KIAA1586: variants seen among roughly 807,000 people sequenced by gnomAD.
The protein encoded by KIAA1586 is KIAA1586, also known as E3 SUMO-protein ligase KIAA1586.
A neutral mutation model predicts 6.1 loss-of-function variants in KIAA1586; 5 were observed. That is an observed-to-expected ratio of 0.82 (90% CI 0.43 to 1.73). The LOEUF is 1.73. KIAA1586 is among the 40% of genes most tolerant of loss of function. The pLI is 0.02. For synonymous variants in KIAA1586, 280 were observed against 301.7 expected (o/e 0.93, Z 0.75); for missense variants, 899 against 878.2 (o/e 1.02, Z -0.30).
downstream of KIAA1586, among the ~76,000 whole-genome samples, chr6:57,056,677 C>G (rs1828504470): frequency 6.6e-6 from 1 of 151,598 alleles, no homozygotes; most frequent in Admixed American, 6.6e-5. Flanking sequence ...GCTGGGAATA[C>G]AGGTACATGC....
Position 57,053,677 on chromosome 6 carries a change from A to T in KIAA1586, c.1178A>T (p.Asn393Ile). The change falls in exon 4 of 4, where the codon AAT (asparagine) becomes ATT (isoleucine). Residue 393 changes from asparagine to isoleucine, a missense_variant. Transcript: ENST00000370733. The stretch of plus-strand genomic sequence containing the variant: ...ATTGCATTTTGTTCTGATGGTGCTA[A>T]TACAATCCTGGGAAGAAAGTCTGGA... The part of the protein sequence containing the change: ...NLIAFCSDGA[N>I]TILGRKSGVA... The T allele has an allele frequency of 6.2e-7, 1 of 1,612,030 alleles. No individual in the cohort carries two copies. The highest frequency in any genetic ancestry group is 1.3e-5 in the African/African-American group (1 of 74,988).
In KIAA1586 at chr6:57,051,700, A is replaced by G. The variant is rs141314416; in HGVS notation, c.186+846A>G. ...TGTAATCCCAGCACTTTGGGAGGCCAAGGCTGGCAGATCACTTGAGGTCAG... is the reference window on the plus strand; with the variant it reads ...TGTAATCCCAGCACTTTGGGAGGCCGAGGCTGGCAGATCACTTGAGGTCAG... On this transcript the variant is annotated intron_variant, in intron 3 of 3. Coordinates refer to ENST00000370733, the MANE Select transcript of KIAA1586 (RefSeq NM_020931.4). Among the ~76,000 whole-genome samples, 1,467 of 151,614 alleles carry G rather than the reference A, an allele frequency of 9.7e-3. 27 individuals carry two copies. Among genetic ancestry groups the G allele is most frequent in the African/African-American group, 0.034 (1,382 of 40,938 alleles).
At chr6:57,050,752 A>C (rs998042314) in intron 2 of KIAA1586, 22 bp from the exon 3 acceptor site, 2 of 1,550,050 alleles carry the variant, frequency 1.3e-6, no homozygotes, top group East Asian at 4.5e-5. Context: ...ATGACTTGTA[A>C]ATTTGCCCAC....
downstream of KIAA1586, among the ~76,000 whole-genome samples, chr6:57,060,238 T>C (rs568334593): frequency 1.6e-4 from 25 of 152,278 alleles, no homozygotes; most frequent in East Asian, 4.3e-3. Context: ...GGTCTTTCCC[T>C]CATAATTGCC....
chr6:57,050,814 T>G lies in KIAA1586; in HGVS notation c.146T>G (p.Val49Gly). ...SRPVLEYIDLVCGDDENPSAY... is the reference protein window; with the variant it reads ...SRPVLEYIDLGCGDDENPSAY... ...CCTGTTCTTGAATACATCGATCTGGTCTGTGGTGATGATGAAAACCCTAGC... is the reference window on the plus strand; with the variant it reads ...CCTGTTCTTGAATACATCGATCTGGGCTGTGGTGATGATGAAAACCCTAGC... The change falls in exon 3 of 4, where the codon GTC becomes GGC. Residue 49 changes from valine to glycine, a missense_variant. Physicochemically the swap from Val to Gly is moderately radical, Grantham distance 109 (BLOSUM62 -3). Transcript: ENST00000370733. 1 of 1,613,660 alleles carries G rather than the reference T, an allele frequency of 6.2e-7. No homozygotes were observed. Among genetic ancestry groups the G allele is most frequent in the Non-Finnish European group, 8.5e-7 (1 of 1,179,688 alleles).
chr6:57,055,014 T>C lies in KIAA1586; in HGVS notation c.*151T>C. ...TCTTTAAGAAGATAATCTTGAAGAT[T>C]GGTTTTAGAAGCTATAGTTTTTTAG... On this transcript the variant is annotated 3_prime_UTR_variant, in exon 4 of 4. Coordinates refer to ENST00000370733, the MANE Select transcript of KIAA1586 (RefSeq NM_020931.4). The C allele has an allele frequency of 9.6e-6, 9 of 934,952 alleles. No homozygotes were observed. Among genetic ancestry groups the C allele is most frequent in the Non-Finnish European group, 1.4e-5 (9 of 657,162 alleles). The allele number at this position is 934,952 out of a possible 1,614,324, so 57.9% of individuals were successfully genotyped here.
At chr6:57,049,446 ATAAATGTTGAT>A (rs1828266083) in intron 2 of KIAA1586, among the ~76,000 whole-genome samples, 1 of 152,190 alleles carries the variant, frequency 6.6e-6, no homozygotes, top group Non-Finnish European at 1.5e-5. Flanking sequence ...GTCTTTTCAT[ATAAATGTTGAT>A]TATCTAGCCT....
Position 57,054,346 on chromosome 6 carries a change from T to C in KIAA1586, c.1847T>C (p.Leu616Pro). The C allele has an allele frequency of 6.2e-7, 1 of 1,600,904 alleles. No individual in the cohort carries two copies. Among genetic ancestry groups the C allele is most frequent in the Non-Finnish European group, 8.5e-7 (1 of 1,176,062 alleles). ...GACAATATAATTCAGCACATGAACC[T>C]ACGCCTTTTATCTGACAGAAACCAT... ...LLDNIIQHMN[L>P]RLLSDRNHED... The change falls in exon 4 of 4, where the codon CTA becomes CCA. Residue 616 changes from leucine (L) to proline (P), a missense_variant. Transcript: ENST00000370733.
rs1828437047 is a variant in KIAA1586, at chr6:57,054,289, A to C, written c.1790A>C (p.Lys597Thr). Residue 597 changes from lysine to threonine, a missense_variant, in exon 4 of 4, where the codon AAA becomes ACA. Physicochemically the swap from Lys to Thr is moderately conservative, Grantham distance 78. Transcript: ENST00000370733. ...GATATTCCATTTAATAAAAACAATA[A>C]ATTTAATGCTCTTCCTAGGAGTATA... ...FKDIPFNKNNKFNALPRSILL... is the reference protein window; with the variant it reads ...FKDIPFNKNNTFNALPRSILL... 3.2e-6 allele frequency: 5 copies of C among 1,579,840 alleles called. No individual in the cohort carries two copies. Among genetic ancestry groups the C allele is most frequent in the East Asian group, 2.2e-5 (1 of 44,646 alleles).
the KIAA1586 span, among the ~76,000 whole-genome samples, chr6:57,063,822 A>G: frequency 4.3e-4 from 65 of 152,354 alleles, 1 homozygote; most frequent in African/African-American, 1.5e-3. Context: ...AACACCTAGT[A>G]GATACAAAAA....
At chr6:57,063,194 T>C in the KIAA1586 span, among the ~76,000 whole-genome samples, 1 of 152,298 alleles carries the variant, frequency 6.6e-6, no homozygotes, top group Non-Finnish European at 1.5e-5. Context: ...TTTTTTGGAT[T>C]CTTGAATGAG....
chr6:57,060,404 A>G, the KIAA1586 span, among the ~76,000 whole-genome samples: 2 of 152,182 alleles, frequency 1.3e-5, no homozygotes, highest in Non-Finnish European at 2.9e-5. Context: ...GCATGGCCAT[A>G]CTCACTGCAA....
rs1828369349 is a variant in KIAA1586, at chr6:57,052,878, G to A, written c.379G>A (p.Glu127Lys). The A allele has an allele frequency of 3.7e-6, 6 of 1,612,646 alleles. No homozygotes were observed. The highest frequency in any genetic ancestry group is 1.3e-5 in the African/African-American group (1 of 74,780). ...AAAGCCATCACTTTCATCAAAGAAA[G>A]AAATAGATAATCTTGTGCTTCCAGA... ...EEKPSLSSKK[E>K]IDNLVLPDCW... Residue 127 changes from glutamate to lysine, a missense_variant, in exon 4 of 4, where the codon GAA becomes AAA. Transcript: ENST00000370733.
At chr6:57,057,627 G>T (rs970426776), downstream of KIAA1586, among the ~76,000 whole-genome samples, 1 of 151,742 alleles carries the variant, frequency 6.6e-6, no homozygotes, top group Non-Finnish European at 1.5e-5. Flanking sequence ...GGTGGCAGGT[G>T]CCTGTAGTCC....
rs1197242196 is a variant in KIAA1586 at position 57,053,773 on chromosome 6, T to A, written c.1274T>A (p.Leu425Ter). ...AACTGTTTAAATCATCGATTACAAT[T>A]GTCACTTGATGATTCTATATCCGAA... Reference protein sequence around the residue: ...IWNCLNHRLQLSLDDSISEIK... With the variant: ...IWNCLNHRLQ The change falls in exon 4 of 4, where the codon TTG (leucine) becomes TAG (stop). Residue 425 changes from leucine to a stop codon, truncating the protein, a stop_gained. Transcript: ENST00000370733. LOFTEE classifies it low-confidence loss of function (END_TRUNC). 6.3e-7 allele frequency: 1 copy of A among 1,577,818 alleles called. No homozygotes were observed. Among genetic ancestry groups the A allele is most frequent in the Non-Finnish European group, 8.6e-7 (1 of 1,161,226 alleles).
rs1385390809 is a variant in KIAA1586, at chr6:57,054,331, T to A, written c.1832T>A (p.Ile611Asn). The A allele has an allele frequency of 2.5e-6, 4 of 1,592,030 alleles. No individual in the cohort carries two copies. The South Asian group carries it at 4.6e-5, about 18-fold the overall frequency. Reference sequence around the variant, plus strand: ...AGGAGTATATTACTAGACAATATAATTCAGCACATGAACCTACGCCTTTTA... The same window carrying A: ...AGGAGTATATTACTAGACAATATAAATCAGCACATGAACCTACGCCTTTTA... Reference protein sequence around the residue: ...LPRSILLDNIIQHMNLRLLSD... With the variant: ...LPRSILLDNINQHMNLRLLSD... The change falls in exon 4 of 4, where the codon ATT becomes AAT. Residue 611 changes from isoleucine to asparagine, a missense_variant. Physicochemically the swap from Ile to Asn is moderately radical, Grantham distance 149. Transcript: ENST00000370733.
rs771318006 is a variant in KIAA1586, at chr6:57,054,763, G to T, written c.2264G>T (p.Trp755Leu). 2 of 1,551,278 alleles carry T rather than the reference G, an allele frequency of 1.3e-6. No homozygotes were observed. The highest frequency in any genetic ancestry group is 8.7e-7 in the Non-Finnish European group (1 of 1,146,756). Residue 755 changes from tryptophan to leucine, a missense_variant, in exon 4 of 4, where the codon TGG becomes TTG. Transcript: ENST00000370733. ...DWDATPFVKSWSNCNHRLATD... is the reference protein window; with the variant it reads ...DWDATPFVKSLSNCNHRLATD... ...GATGCAACACCGTTTGTAAAATCTT[G>T]GTCAAATTGCAACCACAGGTTGGCT... is the stretch of plus-strand genomic sequence containing the variant.
the KIAA1586 span, among the ~76,000 whole-genome samples, chr6:57,062,343 T>C: frequency 2.0e-5 from 3 of 152,348 alleles, no homozygotes; most frequent in Non-Finnish European, 2.9e-5. Flanking sequence ...TCTAGCATAG[T>C]TGATGGAAAT....
At chr6:57,065,235 T>A in the KIAA1586 span, among the ~76,000 whole-genome samples, 1 of 152,174 alleles carries the variant, frequency 6.6e-6, no homozygotes, top group Non-Finnish European at 1.5e-5. Flanking sequence ...CAATTTTTTT[T>A]AATCTTCTAT....
Sources: allele counts gnomAD v4.1 joint callset (sites outside exome capture counted in the v4.1 genomes callset), GRCh38; gene constraint gnomAD v4.1.1; transcripts MANE v1.5; gene names NCBI Gene and HGNC (gene_info 2026-07-23, HGNC 2026-07-21).